The following EIF2AK3 variants were observed in gnomAD, a reference collection of about 807,000 sequenced individuals.
EIF2AK3 encodes eukaryotic translation initiation factor 2 alpha kinase 3, also known as eukaryotic translation initiation factor 2-alpha kinase 3.
A neutral mutation model predicts 113.5 loss-of-function variants in EIF2AK3; 50 were observed. The ratio of observed to expected loss-of-function variants is 0.44; its 90% confidence interval spans 0.35 to 0.56. EIF2AK3 has a LOEUF of 0.56. Among genes scored for constraint, EIF2AK3 ranks in the 20% least tolerant of loss-of-function variants. EIF2AK3 has a pLI of 0.00. For missense variants in EIF2AK3, 1,185 were observed against 1,378.0 expected (o/e 0.86, Z 2.22); for synonymous variants, 448 against 495.4 (o/e 0.90, Z 1.27).
intron 2 of EIF2AK3, among the ~76,000 whole-genome samples, chr2:88,604,419 G>T (rs566837147): frequency 6.6e-6 from 1 of 152,196 alleles, no homozygotes; most frequent in South Asian, 2.1e-4. Flanking sequence ...TCCATCTCTT[G>T]CCTCAGTAAC....
At chr2:88,592,065 T>G (rs781011474) in intron 4 of EIF2AK3, among the ~76,000 whole-genome samples, 1 of 152,128 alleles carries the variant, frequency 6.6e-6, no homozygotes, top group Non-Finnish European at 1.5e-5. Flanking sequence ...AACCCGAAAG[T>G]CTGGTTCATT....
chr2:88,628,089 T>C (rs1258233895), upstream of EIF2AK3: 1 of 152,362 alleles, frequency 6.6e-6, no homozygotes, highest in African/African-American at 2.4e-5. Flanking sequence ...ATGGTCCTAC[T>C]TGTGGCCGCA....
rs778521582 is a variant in EIF2AK3 at position 88,588,121 on chromosome 2, A to AT, written c.1307-18dup. The AT allele has an allele frequency of 7.0e-7, 1 of 1,421,534 alleles. No individual in the cohort carries two copies. The highest frequency in any genetic ancestry group is 9.7e-7 in the Non-Finnish European group (1 of 1,027,462). The allele number at this position is 1,421,534 out of a possible 1,614,324, so 88.1% of individuals were successfully genotyped here. ...AAGGAGAATCTAAAAGAAAATTATT[A>AT]TTTTCTTAATAATAATATTTCTTAA... On this transcript the variant is annotated splice_polypyrimidine_tract_variant and intron_variant, in intron 7 of 16. Transcript: ENST00000303236.
At chr2:88,615,653 A>AT (rs1198279708) in intron 1 of EIF2AK3, among the ~76,000 whole-genome samples, 1 of 152,200 alleles carries the variant, frequency 6.6e-6, no homozygotes, top group East Asian at 1.9e-4. Context: ...AGTCTACAGT[A>AT]TTTTGTTATA....
chr2:88,618,678 T>G (rs1167099973), intron 1 of EIF2AK3, among the ~76,000 whole-genome samples: 1 of 152,210 alleles, frequency 6.6e-6, no homozygotes, highest in African/African-American at 2.4e-5. Flanking sequence ...AAAATTAAAT[T>G]TATGATGTGG....
intron 13 of EIF2AK3, among the ~76,000 whole-genome samples, chr2:88,573,739 C>A (rs1456085955): frequency 1.3e-5 from 2 of 152,080 alleles, no homozygotes; most frequent in Non-Finnish European, 2.9e-5. Context: ...ATTTGAAAAC[C>A]TACTGCTGAT....
chr2:88,613,136 G>C (rs1180333495), intron 2 of EIF2AK3, among the ~76,000 whole-genome samples: 4 of 152,174 alleles, frequency 2.6e-5, no homozygotes, highest in African/African-American at 9.7e-5. Flanking sequence ...CTAAAGCTCT[G>C]AGGGGCTTGA....
intron 8 of EIF2AK3, among the ~76,000 whole-genome samples, chr2:88,587,695 T>G (rs1347254580): frequency 6.6e-6 from 1 of 152,180 alleles, no homozygotes; most frequent in African/African-American, 2.4e-5. Flanking sequence ...CGTTATCTCA[T>G]TTAGGCCTCA....
At chr2:88,603,134 A>C (rs902524748) in intron 2 of EIF2AK3, among the ~76,000 whole-genome samples, 3 of 152,190 alleles carry the variant, frequency 2.0e-5, no homozygotes, top group South Asian at 2.1e-4. Context: ...AGATGTATCC[A>C]TACCAACCAG....
In EIF2AK3 at chr2:88,627,217, G is replaced by C; in HGVS notation, c.58C>G (p.Leu20Val). The change falls in exon 1 of 17, where the codon CTG (leucine) becomes GTG (valine). Residue 20 changes from leucine to valine, a missense_variant. Leu to Val is a conservative substitution (Grantham distance 32). Around this residue, in one of 3 missense-constraint regions of EIF2AK3, gnomAD observed 189 missense variants for 175.2 expected, o/e 1.08. Coordinates refer to ENST00000303236, the MANE Select transcript of EIF2AK3 (RefSeq NM_004836.7). ...LVRALLLLLLLLGLAARTVAA... is the reference protein window; with the variant it reads ...LVRALLLLLLVLGLAARTVAA... The stretch of plus-strand genomic sequence containing the variant: ...ACCGTCCTTGCCGCGAGCCCCAGCA[G>C]CAGCAGCAGCAGCAGCAGCGCCCGT... The C allele has an allele frequency of 3.2e-6, 2 of 624,328 alleles. No individual in the cohort carries two copies. Among genetic ancestry groups the C allele is most frequent in the Non-Finnish European group, 2.4e-6 (1 of 424,028 alleles). The allele number at this position is 624,328 out of a possible 1,614,324, so 38.7% of individuals were successfully genotyped here. A position where few individuals can be genotyped will look rare whatever the true frequency, so the allele number is the denominator to read the frequency against.
At chr2:88,581,904 T>C (rs762344956) in intron 10 of EIF2AK3, among the ~76,000 whole-genome samples, 2 of 152,164 alleles carry the variant, frequency 1.3e-5, no homozygotes, top group African/African-American at 2.4e-5. Context: ...GTAGGTACCT[T>C]GCAGGGCTGG....
intron 1 of EIF2AK3, among the ~76,000 whole-genome samples, chr2:88,614,254 C>T (rs1332952181): frequency 6.6e-6 from 1 of 152,170 alleles, no homozygotes; most frequent in Non-Finnish European, 1.5e-5. Context: ...CCTACAGAAG[C>T]ACAGATAATT....
chr2:88,601,834 C>CTTTTTTTTTATTTTTTTTTTT (rs1675155108), intron 2 of EIF2AK3, among the ~76,000 whole-genome samples: 1 of 74,860 alleles, frequency 1.3e-5, no homozygotes, highest in Non-Finnish European at 2.5e-5. Flanking sequence ...TAAGATTTTT[C>CTTTTTTTTTATTTTTTTTTTT]TTTTTTTTTT....
chr2:88,568,156 C>G (rs1303872740), intron 14 of EIF2AK3, among the ~76,000 whole-genome samples: 1 of 152,160 alleles, frequency 6.6e-6, no homozygotes, highest in Admixed American at 6.5e-5. Context: ...GACAGTAAAA[C>G]AAACTTGCCC....
Position 88,574,970 on chromosome 2 carries a change from G to A in EIF2AK3, c.2513C>T (p.Thr838Ile). The change falls in exon 13 of 17, where the codon ACT becomes ATT. Residue 838 changes from threonine to isoleucine, a missense_variant. This residue lies in a region of EIF2AK3 where 877 missense variants were observed against 1,024.2 expected (regional missense o/e 0.86). Transcript: ENST00000303236. The stretch of plus-strand genomic sequence containing the variant: ...TTTGCTACTGGTGGGCTTGAAAGCA[G>A]TTAGTTTATTAGCACAATGGTTGCC... Reference protein sequence around the residue: ...HIGNHCANKLTAFKPTSSKSS... With the variant: ...HIGNHCANKLIAFKPTSSKSS... 1 of 1,614,196 alleles carries A rather than the reference G, an allele frequency of 6.2e-7. No individual in the cohort carries two copies.
chr2:88,597,207 A>G (rs1675041406), intron 2 of EIF2AK3, among the ~76,000 whole-genome samples: 1 of 152,236 alleles, frequency 6.6e-6, no homozygotes, highest in Non-Finnish European at 1.5e-5. Flanking sequence ...AAGACAGATT[A>G]AAAACCACTA....
intron 13 of EIF2AK3, among the ~76,000 whole-genome samples, chr2:88,573,722 C>T (rs115822392): frequency 0.016 from 2,369 of 152,190 alleles, 30 homozygotes; most frequent in Non-Finnish European, 0.025. Flanking sequence ...TTAAAATATA[C>T]CCAAGAATTT....
intron 2 of EIF2AK3, among the ~76,000 whole-genome samples, chr2:88,602,668 A>G (rs1675184757): frequency 6.6e-6 from 1 of 152,230 alleles, no homozygotes; most frequent in South Asian, 2.1e-4. Context: ...ACAAATAAAA[A>G]GATACAACTC....
rs1674789556 is a variant in EIF2AK3 at position 88,588,214 on chromosome 2, T to C, written c.1307-110A>G. 6.9e-6 allele frequency: 5 copies of C among 723,100 alleles called. No homozygotes were observed. In the South Asian group the frequency reaches 1.0e-4, roughly 14 times the overall value. 44.8% of individuals were successfully genotyped at this position (723,100 alleles called of 1,614,324 possible). On this transcript the variant is annotated intron_variant, in intron 7 of 16. Transcript: ENST00000303236. ...TGAATAAACTGATATTCAACCATAA[T>C]TCAATTCAAACATATAAGTTAAACA...
Sources: gnomAD v4.1 joint callset for allele counts (sites outside exome capture counted in the v4.1 genomes callset) on GRCh38, gnomAD v4.1.1 for gene constraint, gnomAD v4.1.1 regional missense constraint, MANE v1.5 for transcripts, NCBI Gene and HGNC (gene_info 2026-07-23, HGNC 2026-07-21) for gene names.